Variants in GUCY1A2 observed in about 807,000 individuals in gnomAD.
The protein encoded by GUCY1A2 is guanylate cyclase 1 soluble subunit alpha 2.
GUCY1A2 carries 27 observed loss-of-function variants against 63.5 expected under a neutral mutation model. That is an observed-to-expected ratio of 0.43 (90% confidence interval 0.31 to 0.59). The LOEUF (loss-of-function observed/expected upper bound fraction) is 0.59, where lower values mean the gene tolerates loss of function less well. Ranked by LOEUF, GUCY1A2 falls within the 20% of genes least tolerant of loss-of-function variation. The probability of loss-of-function intolerance (pLI) is 0.11; values close to 1 mark genes in which losing one functional copy is unlikely to be tolerated. For synonymous variants in GUCY1A2, 364 were observed against 343.5 expected (o/e 1.06, Z -0.66); for missense variants, 768 against 913.3 (o/e 0.84, Z 2.05).
intron 3 of GUCY1A2, among the ~76,000 whole-genome samples, chr11:106,972,580 T>C (rs1177623884): frequency 6.6e-6 from 1 of 152,028 alleles, no homozygotes; most frequent in Non-Finnish European, 1.5e-5. Flanking sequence ...AGGACTGCCA[T>C]GTTCTTCCAG....
intron 4 of GUCY1A2, among the ~76,000 whole-genome samples, chr11:106,855,426 T>C (rs541755171): frequency 1.2e-4 from 19 of 152,296 alleles, no homozygotes; most frequent in African/African-American, 4.3e-4. Flanking sequence ...AATTTCAGTG[T>C]TCTCTTAGAT....
chr11:106,742,737 G>T (rs1863716554), intron 6 of GUCY1A2, among the ~76,000 whole-genome samples: 1 of 152,114 alleles, frequency 6.6e-6, no homozygotes, highest in African/African-American at 2.4e-5. Flanking sequence ...TGATATTTCT[G>T]CCTCTAGGTC....
At chr11:106,984,046 G>T (rs1861370574) in intron 2 of GUCY1A2, among the ~76,000 whole-genome samples, 1 of 152,176 alleles carries the variant, frequency 6.6e-6, no homozygotes, top group Admixed American at 6.5e-5. Flanking sequence ...AAAGGCAAAA[G>T]AGGAAGTTGG....
chr11:106,906,938 G>A (rs951273976), intron 4 of GUCY1A2, among the ~76,000 whole-genome samples: 2 of 152,130 alleles, frequency 1.3e-5, no homozygotes, highest in African/African-American at 4.8e-5. Context: ...CCTGTCAGAG[G>A]GTTGGGGACT....
intron 3 of GUCY1A2, among the ~76,000 whole-genome samples, chr11:106,959,467 T>A (rs554555275): frequency 6.6e-6 from 1 of 152,228 alleles, no homozygotes; most frequent in Non-Finnish European, 1.5e-5. Flanking sequence ...AAACACTTTA[T>A]GTATAAAGTT....
chr11:106,781,130 A>G (rs1029844269), intron 5 of GUCY1A2, among the ~76,000 whole-genome samples: 3 of 95,378 alleles, frequency 3.1e-5, no homozygotes, highest in Non-Finnish European at 5.4e-5. Flanking sequence ...AAAAAAAAAA[A>G]AAAGAAAAAC....
At chr11:106,719,648 T>G (rs1863279740) in intron 6 of GUCY1A2, among the ~76,000 whole-genome samples, 1 of 152,218 alleles carries the variant, frequency 6.6e-6, no homozygotes, top group Non-Finnish European at 1.5e-5. Context: ...ATTAAACCCC[T>G]GAGTTACAAT....
At chr11:106,768,420 A>G (rs1439331984) in intron 6 of GUCY1A2, among the ~76,000 whole-genome samples, 1 of 152,182 alleles carries the variant, frequency 6.6e-6, no homozygotes, top group African/African-American at 2.4e-5. Flanking sequence ...TTTATTGAAG[A>G]CTAAAGCCAT....
intron 5 of GUCY1A2, among the ~76,000 whole-genome samples, chr11:106,790,131 C>G (rs1180839594): frequency 6.6e-6 from 1 of 152,176 alleles, no homozygotes; most frequent in East Asian, 1.9e-4. Flanking sequence ...CATCTGATAG[C>G]TAAGGACTGG....
intron 3 of GUCY1A2, among the ~76,000 whole-genome samples, chr11:106,952,378 T>A (rs1447630345): frequency 6.6e-6 from 1 of 152,208 alleles, no homozygotes; most frequent in Non-Finnish European, 1.5e-5. Context: ...GAGGATGGAA[T>A]GTTTTTTCCA....
intron 6 of GUCY1A2, among the ~76,000 whole-genome samples, chr11:106,740,428 G>C (rs1863673562): frequency 6.6e-6 from 1 of 152,102 alleles, no homozygotes; most frequent in Non-Finnish European, 1.5e-5. Flanking sequence ...GTTGGCCATA[G>C]AGCAGTGATG....
chr11:106,800,706 G>A (rs1864859672), intron 5 of GUCY1A2, among the ~76,000 whole-genome samples: 1 of 152,076 alleles, frequency 6.6e-6, no homozygotes, highest in Non-Finnish European at 1.5e-5. Context: ...CTTGGACACA[G>A]GAAGGGGAAC....
chr11:106,969,181 C>A (rs1417942134), intron 3 of GUCY1A2, among the ~76,000 whole-genome samples: 1 of 152,088 alleles, frequency 6.6e-6, no homozygotes, highest in Non-Finnish European at 1.5e-5. Flanking sequence ...ACATAAAACT[C>A]TACTCATCAG....
At chr11:106,838,934 C>G (rs1859155036) in intron 4 of GUCY1A2, among the ~76,000 whole-genome samples, 1 of 151,938 alleles carries the variant, frequency 6.6e-6, no homozygotes, top group African/African-American at 2.4e-5. Flanking sequence ...GTTGCCTGTT[C>G]ACTCTGATGG....
rs954724610 is a variant in GUCY1A2 at position 106,813,827 on chromosome 11, T to A, written c.1207-3349A>T. Among the ~76,000 whole-genome samples, 11 of 152,114 alleles carry A rather than the reference T, an allele frequency of 7.2e-5. 1 individual carries two copies. The highest frequency in any genetic ancestry group is 1.3e-4 in the Non-Finnish European group (9 of 67,996). On this transcript the variant is annotated intron_variant, in intron 4 of 7. Coordinates refer to ENST00000526355, the MANE Select transcript of GUCY1A2 (RefSeq NM_000855.3). ...GCCTGTAGCTAACTCAACACATCTG[T>A]GAGTACTTGCTATTGCCCATGTACT...
At chr11:107,013,198 T>C (rs1242235280) in intron 1 of GUCY1A2, among the ~76,000 whole-genome samples, 6 of 152,162 alleles carry the variant, frequency 3.9e-5, no homozygotes, top group Non-Finnish European at 8.8e-5. Flanking sequence ...CCAATTCTGT[T>C]ACTTTTTTTT....
chr11:106,859,970 A>C (rs1184866322), intron 4 of GUCY1A2, among the ~76,000 whole-genome samples: 1 of 151,982 alleles, frequency 6.6e-6, no homozygotes, highest in Non-Finnish European at 1.5e-5. Flanking sequence ...CCCATTGTTA[A>C]GTAATGCATG....
chr11:106,899,678 C>G (rs565449886), intron 4 of GUCY1A2, among the ~76,000 whole-genome samples: 1 of 152,098 alleles, frequency 6.6e-6, no homozygotes, highest in East Asian at 1.9e-4. Context: ...CCAAGAAATT[C>G]TTTTGATAAT....
At chr11:106,961,136 AC>A (rs1258685168) in intron 3 of GUCY1A2, among the ~76,000 whole-genome samples, 2 of 152,052 alleles carry the variant, frequency 1.3e-5, no homozygotes, top group Non-Finnish European at 2.9e-5. Context: ...CATTGTGAGC[AC>A]ACCTTGCTCA....
Sources: gnomAD v4.1 joint callset for allele counts (sites outside exome capture counted in the v4.1 genomes callset) on GRCh38, gnomAD v4.1.1 for gene constraint, MANE v1.5 for transcripts, NCBI Gene and HGNC (gene_info 2026-07-23, HGNC 2026-07-21) for gene names.